C7orf25: variants seen among roughly 807,000 people sequenced by gnomAD.
C7orf25 encodes chromosome 7 open reading frame 25.
A neutral mutation model predicts 25.5 loss-of-function variants in C7orf25; 14 were observed. The ratio of observed to expected loss-of-function variants is 0.55; its 90% CI spans 0.36 to 0.86. The LOEUF (loss-of-function observed/expected upper bound fraction) is 0.86, where lower values mean the gene tolerates loss of function less well. C7orf25 is among the 40% of genes least tolerant of loss of function. The pLI is 0.01. For synonymous variants in C7orf25, 184 were observed against 179.9 expected (o/e 1.02, Z -0.18); for missense variants, 405 against 493.9 (o/e 0.82, Z 1.71).
chr7:42,911,828 C>T, intron 1 of C7orf25, 87 bp downstream of exon 1: 1 of 1,300,224 alleles, frequency 7.7e-7, no homozygotes, highest in Non-Finnish European at 9.8e-7. Flanking sequence ...GACCCCCTTC[C>T]CGCCGGGCCG....
chr7:42,909,572 G>A lies in C7orf25; in HGVS notation c.*63C>T. The A allele has an allele frequency of 6.6e-7, 1 of 1,524,342 alleles. No homozygotes were observed. The highest frequency in any genetic ancestry group is 1.3e-5 in the South Asian group (1 of 75,948). The allele number at this position is 1,524,342 out of a possible 1,614,324, so 94.4% of individuals were successfully genotyped here. The stretch of plus-strand genomic sequence containing the variant: ...ATAGACCTTTTTTCCCACCAGTTTA[G>A]ATGGGAAGACCCAGCCTTTGGTATA... On this transcript the variant is annotated 3_prime_UTR_variant, in exon 2 of 2. Transcript: ENST00000350427.
At chr7:42,911,249 A>C in intron 1 of C7orf25, 1 of 585,614 alleles carries the variant, frequency 1.7e-6, no homozygotes, top group Non-Finnish European at 2.6e-6. Context: ...TAATTCCCTT[A>C]TGTCTATCAG....
rs1426574141 is a variant in C7orf25 at position 42,909,383 on chromosome 7, C to G, written c.*252G>C. On this transcript the variant is annotated 3_prime_UTR_variant, in exon 2 of 2. Transcript: ENST00000350427. ...ATCGAATCAAAGTATTACAATACAG[C>G]TGAAAGCTTTATATAGACGTATTTC... 4.7e-6 allele frequency: 2 copies of G among 425,170 alleles called. No individual in the cohort carries two copies. The highest frequency in any genetic ancestry group is 8.3e-6 in the Non-Finnish European group (2 of 241,236). 26.3% of individuals were successfully genotyped at this position (425,170 alleles called of 1,614,324 possible).
chr7:42,912,044 C>T lies in C7orf25; in HGVS notation c.-151G>A. On this transcript the variant is annotated 5_prime_UTR_variant, in exon 1 of 2. Coordinates refer to ENST00000350427, the MANE Select transcript of C7orf25 (RefSeq NM_001099858.2). ...GAGGCGGCTCCACCCGCGCGAGCCCCGCCGCCTCGGGCACCTCCTGCATCA... is the reference window on the plus strand; with the variant it reads ...GAGGCGGCTCCACCCGCGCGAGCCCTGCCGCCTCGGGCACCTCCTGCATCA... 1 of 1,465,244 alleles carries T rather than the reference C, an allele frequency of 6.8e-7. No individual in the cohort carries two copies. Among genetic ancestry groups the T allele is most frequent in the Non-Finnish European group, 9.0e-7 (1 of 1,116,726 alleles). The allele number at this position is 1,465,244 out of a possible 1,614,324, so 90.8% of individuals were successfully genotyped here.
In C7orf25 at chr7:42,909,895, C is replaced by T. The variant is rs764573702; in HGVS notation, c.1006G>A (p.Val336Met). ...CGCTCAGAAGGCTGGTCTGGTACCA[C>T]ATTAATTCGCTTAATTAACACAGTG... ...RATVLIKRIN[V>M]VPDQPSERAL... Residue 336 changes from valine (V) to methionine (M), a missense_variant, in exon 2 of 2, where the codon GTG becomes ATG. Transcript: ENST00000350427. The T allele has an allele frequency of 6.2e-7, 1 of 1,614,204 alleles. No homozygotes were observed. Among genetic ancestry groups the T allele is most frequent in the South Asian group, 1.1e-5 (1 of 91,072 alleles).
At chr7:42,911,703 CCCTCGGCCCT>C in intron 1 of C7orf25, 2 of 1,170,568 alleles carry the variant, frequency 1.7e-6, no homozygotes, top group Non-Finnish European at 2.1e-6. Context: ...GGCTGCGGGG[CCCTCGGCCCT>C]GCCCGGCCAC....
At position 42,911,938 on chromosome 7, in the gene C7orf25, C is replaced by A. The variant is rs1300853358; in HGVS notation, c.-45G>T. On this transcript the variant is annotated 5_prime_UTR_variant, in exon 1 of 2. Transcript: ENST00000350427. ...ACCGGCAGCGCCAGAACCGCGAGCGCGAGCACGCAGGCGCGTGCACGCAGA... is the reference window on the plus strand; with the variant it reads ...ACCGGCAGCGCCAGAACCGCGAGCGAGAGCACGCAGGCGCGTGCACGCAGA... 1.3e-6 allele frequency: 2 copies of A among 1,482,128 alleles called. No homozygotes were observed. Among genetic ancestry groups the A allele is most frequent in the Non-Finnish European group, 1.8e-6 (2 of 1,123,952 alleles). 91.8% of individuals were successfully genotyped at this position (1,482,128 alleles called of 1,614,324 possible).
Position 42,911,904 on chromosome 7 carries a change from C to G in C7orf25, c.-22+11G>C, listed in dbSNP as rs560103786. 3.4e-6 allele frequency: 5 copies of G among 1,457,746 alleles called. No individual in the cohort carries two copies. The South Asian group carries it at 4.0e-5, about 12-fold the overall frequency. 90.3% of individuals were successfully genotyped at this position (1,457,746 alleles called of 1,614,324 possible). A position where few individuals can be genotyped will look rare whatever the true frequency, so the allele number is the denominator to read the frequency against. ...CTCCCAGCCTCCCCGCCTCGCTCCC[C>G]GGCTCCTCACCGGCAGCGCCAGAAC... On this transcript the variant is annotated intron_variant, in intron 1 of 1. Transcript: ENST00000350427.
rs550853968 is a variant in C7orf25 at position 42,910,221 on chromosome 7, C to T, written c.680G>A (p.Arg227Gln). Residue 227 changes from arginine to glutamine, a missense_variant, in exon 2 of 2, where the codon CGA (arginine) becomes CAA (glutamine). Transcript: ENST00000350427. ...PELLQVTRVD[R>Q]ENILASVAFP... ...CGCAACACTTGCTAGTATATTTTCT[C>T]GGTCAACTCTGGTCACCTGCAAAAG... 2.5e-6 allele frequency: 4 copies of T among 1,614,220 alleles called. No individual in the cohort carries two copies. Among genetic ancestry groups the T allele is most frequent in the Admixed American group, 1.7e-5 (1 of 60,026 alleles).
intron 1 of C7orf25, chr7:42,911,431 C>A: frequency 9.9e-7 from 1 of 1,009,380 alleles, no homozygotes; most frequent in Non-Finnish European, 1.2e-6. Flanking sequence ...CTTCAACCGG[C>A]TGCCTCATGA....
chr7:42,910,677 A>G lies in C7orf25; in HGVS notation c.224T>C (p.Ile75Thr). 6.2e-7 allele frequency: 1 copy of G among 1,614,108 alleles called. No homozygotes were observed. Among genetic ancestry groups the G allele is most frequent in the Non-Finnish European group, 8.5e-7 (1 of 1,180,032 alleles). ...TTCCAGGTTTTCTGCTGATTCCACAATGGCTCTCAGGTGTGTTAGGTTAGT... is the reference window on the plus strand; with the variant it reads ...TTCCAGGTTTTCTGCTGATTCCACAGTGGCTCTCAGGTGTGTTAGGTTAGT... The part of the protein sequence containing the change: ...QSTNLTHLRA[I>T]VESAENLEEV... The change falls in exon 2 of 2, where the codon ATT becomes ACT. Residue 75 changes from isoleucine to threonine, a missense_variant. Coordinates refer to ENST00000350427, the MANE Select transcript of C7orf25 (RefSeq NM_001099858.2).
chr7:42,910,969 CA>C (rs2128671848), intron 1 of C7orf25, 48 bp from the exon 2 acceptor site: 1 of 1,602,926 alleles, frequency 6.2e-7, no homozygotes, highest in East Asian at 2.2e-5. Flanking sequence ...AAAATTATGA[CA>C]ATCAATTCTT....
At position 42,909,623 on chromosome 7, in the gene C7orf25, T is replaced by C. The variant is rs776683455; in HGVS notation, c.*12A>G. On this transcript the variant is annotated 3_prime_UTR_variant, in exon 2 of 2. Transcript: ENST00000350427. ...AATAACTTACTTCCACAAAAATATT[T>C]AAAGGGTATCTTTAGTGTTCACTGT... 27 of 1,589,396 alleles carry C rather than the reference T, an allele frequency of 1.7e-5. No homozygotes were observed. Among genetic ancestry groups the C allele is most frequent in the Non-Finnish European group, 2.3e-5 (27 of 1,169,590 alleles).
Position 42,909,553 on chromosome 7 carries a change from C to CT in C7orf25, c.*81dup. The CT allele has an allele frequency of 6.9e-7, 1 of 1,456,626 alleles. No homozygotes were observed. Among genetic ancestry groups the CT allele is most frequent in the Admixed American group, 2.3e-5 (1 of 43,442 alleles). The allele number at this position is 1,456,626 out of a possible 1,614,324, so 90.2% of individuals were successfully genotyped here. A position where few individuals can be genotyped will look rare whatever the true frequency, so the allele number is the denominator to read the frequency against. ...TCTCAGTTTTACTTTTACTATAGAC[C>CT]TTTTTTCCCACCAGTTTAGATGGGA... On this transcript the variant is annotated 3_prime_UTR_variant, in exon 2 of 2. Coordinates refer to ENST00000350427, the MANE Select transcript of C7orf25 (RefSeq NM_001099858.2).
Position 42,909,308 on chromosome 7 carries a change from T to G in C7orf25, c.*327A>C, listed in dbSNP as rs1180290376. The G allele has an allele frequency of 4.4e-6, 1 of 228,774 alleles. No homozygotes were observed. Among genetic ancestry groups the G allele is most frequent in the Non-Finnish European group, 8.4e-6 (1 of 118,690 alleles). The allele number at this position is 228,774 out of a possible 1,614,324, so 14.2% of individuals were successfully genotyped here. ...TCCAGATATTTAATGCAAGATGCAATGTAGCCATATTCCATGAAATGTGGT... is the reference window on the plus strand; with the variant it reads ...TCCAGATATTTAATGCAAGATGCAAGGTAGCCATATTCCATGAAATGTGGT... On this transcript the variant is annotated 3_prime_UTR_variant, in exon 2 of 2. Transcript: ENST00000350427.
rs992411274 is a variant in C7orf25 at position 42,911,971 on chromosome 7, A to C, written c.-78T>G. On this transcript the variant is annotated 5_prime_UTR_variant, in exon 1 of 2. Transcript: ENST00000350427. ...CAGGCGCGTGCACGCAGAGGCCGGG[A>C]CCCGCCGGGAAATCTCAACCGGGCA... 6.7e-7 allele frequency: 1 copy of C among 1,495,866 alleles called. No individual in the cohort carries two copies. Among genetic ancestry groups the C allele is most frequent in the East Asian group, 2.8e-5 (1 of 35,280 alleles). The allele number at this position is 1,495,866 out of a possible 1,614,324, so 92.7% of individuals were successfully genotyped here. A position where few individuals can be genotyped will look rare whatever the true frequency, so the allele number is the denominator to read the frequency against.
chr7:42,909,587 C>T lies in C7orf25; in HGVS notation c.*48G>A. 1.9e-6 allele frequency: 3 copies of T among 1,550,518 alleles called. No individual in the cohort carries two copies. Among genetic ancestry groups the T allele is most frequent in the Middle Eastern group, 1.8e-4 (1 of 5,542 alleles). On this transcript the variant is annotated 3_prime_UTR_variant, in exon 2 of 2. Transcript: ENST00000350427. The stretch of plus-strand genomic sequence containing the variant: ...CACCAGTTTAGATGGGAAGACCCAG[C>T]CTTTGGTATAAATAACTTACTTCCA...
chr7:42,911,190 G>A (rs1340330133), intron 1 of C7orf25: 4 of 684,840 alleles, frequency 5.8e-6, no homozygotes, highest in Non-Finnish European at 9.9e-6. Context: ...GACACAGCAT[G>A]GTCCTAGGTT....
intron 1 of C7orf25, 84 bp from the exon 2 acceptor site, chr7:42,911,005 T>A: frequency 6.3e-7 from 1 of 1,591,640 alleles, no homozygotes. Context: ...AACTTCAATC[T>A]AGCAACACAG....
Sources: allele counts gnomAD v4.1 joint callset, GRCh38; gene constraint gnomAD v4.1.1; transcripts MANE v1.5; gene names NCBI Gene and HGNC (gene_info 2026-07-23, HGNC 2026-07-21).